Variants in CAMK2D observed in about 807,000 individuals in gnomAD.
The protein encoded by CAMK2D is calcium/calmodulin-dependent protein kinase type II subunit delta.
Under a neutral mutation model 84.0 loss-of-function variants are expected in CAMK2D, and 37 were observed. That is an observed-to-expected ratio of 0.44 (90% CI 0.34 to 0.58). CAMK2D has a LOEUF of 0.58. Among genes scored for constraint, CAMK2D ranks in the 20% least tolerant of loss-of-function variants. CAMK2D has a pLI of 0.02. For synonymous variants in CAMK2D, 202 were observed against 212.5 expected, an observed-to-expected ratio of 0.95 and a Z score of 0.43; for missense variants, 448 against 652.5, an observed-to-expected ratio of 0.69 and a Z score of 3.41.
chr4:113,716,324 C>T (rs2099513232), intron 2 of CAMK2D, among the ~76,000 whole-genome samples: 1 of 152,132 alleles, frequency 6.6e-6, no homozygotes, highest in South Asian at 2.1e-4. Flanking sequence ...ACTTGATTGA[C>T]ATTTTCTTGT....
chr4:113,553,467 T>C (rs772809886), intron 4 of CAMK2D, among the ~76,000 whole-genome samples: 2 of 152,226 alleles, frequency 1.3e-5, no homozygotes, highest in Non-Finnish European at 2.9e-5. Flanking sequence ...CTTTTTTGCT[T>C]TATTAAGTTC....
intron 12 of CAMK2D, among the ~76,000 whole-genome samples, chr4:113,511,917 A>T (rs1057447123): frequency 2.6e-5 from 4 of 152,212 alleles, no homozygotes; most frequent in Non-Finnish European, 5.9e-5. Flanking sequence ...GTGACCACTT[A>T]ATGCAGTTGT....
intron 4 of CAMK2D, among the ~76,000 whole-genome samples, chr4:113,563,039 C>T (rs2154212832): frequency 6.6e-6 from 1 of 152,126 alleles, no homozygotes; most frequent in East Asian, 1.9e-4. Context: ...CAGGTAGATA[C>T]ACTCAGGAGT....
chr4:113,680,073 T>A (rs895029085), intron 2 of CAMK2D, among the ~76,000 whole-genome samples: 2 of 152,238 alleles, frequency 1.3e-5, no homozygotes, highest in African/African-American at 4.8e-5. Context: ...ATTATTATTT[T>A]TTTCTTTTTT....
chr4:113,617,913 C>CACACACACAT lies in CAMK2D; in HGVS notation c.221-8708_221-8707insATGTGTGTGT, dbSNP rs199525950. The stretch of plus-strand genomic sequence containing the variant: ...TTGTGAAACTTTTGCTTGGGTCATA[C>CACACACACAT]ACACACACTCACACAACACACAGAC... On this transcript the variant is annotated intron_variant, in intron 3 of 20. Coordinates refer to ENST00000511664, the MANE Select transcript of CAMK2D (RefSeq NM_001321571.2). Among the ~76,000 whole-genome samples, 927 of 152,010 alleles carry CACACACACAT rather than the reference C, an allele frequency of 6.1e-3. 9 individuals carry two copies. Among genetic ancestry groups the CACACACACAT allele is most frequent in the African/African-American group, 0.021 (883 of 41,464 alleles).
chr4:113,499,244 G>C (rs1261302981), intron 16 of CAMK2D, among the ~76,000 whole-genome samples: 1 of 152,128 alleles, frequency 6.6e-6, no homozygotes, highest in Non-Finnish European at 1.5e-5. Flanking sequence ...TAAGTGCAAA[G>C]AGTGAGATGA....
At chr4:113,622,424 C>T (rs1006542423) in intron 3 of CAMK2D, among the ~76,000 whole-genome samples, 15 of 152,152 alleles carry the variant, frequency 9.9e-5, no homozygotes. Context: ...CACATTCTCC[C>T]TCACTGTTTC....
chr4:113,601,016 A>T (rs2098949694), intron 4 of CAMK2D, among the ~76,000 whole-genome samples: 1 of 152,212 alleles, frequency 6.6e-6, no homozygotes, highest in Non-Finnish European at 1.5e-5. Context: ...AAATAGAAAT[A>T]GGCCCTCTGG....
At chr4:113,557,602 TTAA>T (rs1165823955) in intron 4 of CAMK2D, among the ~76,000 whole-genome samples, 2 of 152,262 alleles carry the variant, frequency 1.3e-5, no homozygotes, top group East Asian at 3.8e-4. Context: ...TATGGAAATC[TTAA>T]TAATGAATTC....
At chr4:113,573,775 A>AT in intron 4 of CAMK2D, among the ~76,000 whole-genome samples, 1 of 152,190 alleles carries the variant, frequency 6.6e-6, no homozygotes, top group East Asian at 1.9e-4. Context: ...CTTGAAGATC[A>AT]AAGGCTTCAT....
chr4:113,597,932 C>T (rs1174977443), intron 4 of CAMK2D, among the ~76,000 whole-genome samples: 6 of 152,088 alleles, frequency 3.9e-5, no homozygotes, highest in Non-Finnish European at 8.8e-5. Context: ...GGGGGAATGG[C>T]CAGTCAGTGG....
chr4:113,622,570 G>T (rs972227351), intron 3 of CAMK2D, among the ~76,000 whole-genome samples: 2 of 152,170 alleles, frequency 1.3e-5, no homozygotes, highest in South Asian at 2.1e-4. Flanking sequence ...TTCGAGACCA[G>T]CCCGGGCCAC....
intron 4 of CAMK2D, among the ~76,000 whole-genome samples, chr4:113,561,717 T>C (rs1012326624): frequency 2.6e-5 from 4 of 152,202 alleles, no homozygotes; most frequent in Non-Finnish European, 5.9e-5. Context: ...ATGTCTGAGA[T>C]AGTAATACCA....
intron 4 of CAMK2D, among the ~76,000 whole-genome samples, chr4:113,606,385 G>T (rs543549403): frequency 3.4e-4 from 51 of 151,988 alleles, no homozygotes; most frequent in South Asian, 6.2e-4. Context: ...CAGGAGAATC[G>T]CTTGAACCCA....
chr4:113,705,983 GGTGT>G (rs548194418), intron 2 of CAMK2D, among the ~76,000 whole-genome samples: 16 of 152,106 alleles, frequency 1.1e-4, no homozygotes, highest in Non-Finnish European at 1.6e-4. Flanking sequence ...AGACACGGGC[GGTGT>G]GTCTCATGTT....
At chr4:113,478,785 TACTC>T (rs2097662104) in intron 16 of CAMK2D, among the ~76,000 whole-genome samples, 2 of 152,248 alleles carry the variant, frequency 1.3e-5, no homozygotes, top group Middle Eastern at 3.4e-3. Context: ...CTACTTAAAA[TACTC>T]ACGGCCCCAA....
intron 2 of CAMK2D, among the ~76,000 whole-genome samples, chr4:113,704,131 C>G (rs1364296395): frequency 6.6e-6 from 1 of 151,970 alleles, no homozygotes; most frequent in African/African-American, 2.4e-5. Context: ...TAGTGTTTAT[C>G]TGGAAGTCAG....
intron 3 of CAMK2D, among the ~76,000 whole-genome samples, chr4:113,629,164 T>C (rs1043450494): frequency 1.3e-5 from 2 of 152,076 alleles, no homozygotes; most frequent in African/African-American, 4.8e-5. Context: ...CTGTGCTAAG[T>C]ATCAGGCTGA....
At chr4:113,591,753 G>A (rs1191675041) in intron 4 of CAMK2D, among the ~76,000 whole-genome samples, 4 of 152,056 alleles carry the variant, frequency 2.6e-5, no homozygotes, top group East Asian at 1.9e-4. Context: ...AATTTTCCAC[G>A]TCTGTCCCCT....
Sources: allele counts gnomAD v4.1 joint callset (sites outside exome capture counted in the v4.1 genomes callset), GRCh38; gene constraint gnomAD v4.1.1; transcripts MANE v1.5; gene names NCBI Gene and HGNC (gene_info 2026-07-23, HGNC 2026-07-21).